The following LRRFIP2 variants were observed in gnomAD, a reference collection of about 807,000 sequenced individuals.
The protein encoded by LRRFIP2 is LRR binding FLII interacting protein 2, also known as leucine-rich repeat flightless-interacting protein 2.
LRRFIP2 carries 109 observed loss-of-function variants against 125.9 expected under a neutral mutation model. That is an observed-to-expected ratio of 0.87 (90% CI 0.74 to 1.01). The LOEUF is 1.01. Among genes scored for constraint, LRRFIP2 ranks in the 50% least tolerant of loss-of-function variants. LRRFIP2 has a pLI of 0.00. For missense variants in LRRFIP2, 850 were observed against 862.3 expected (o/e 0.99, Z 0.18); for synonymous variants, 291 against 293.1 (o/e 0.99, Z 0.07).
At chr3:37,127,522 C>A in intron 4 of LRRFIP2, 108 bp downstream of exon 4, 2 of 1,108,822 alleles carry the variant, frequency 1.8e-6, no homozygotes, top group South Asian at 1.3e-5. Context: ...TTTAGGTTCA[C>A]ACAGGCCAAA....
At position 37,053,823 on chromosome 3, in the gene LRRFIP2, G is replaced by T; in HGVS notation, c.*28C>A. The T allele has an allele frequency of 6.9e-7, 1 of 1,458,654 alleles. No homozygotes were observed. Among genetic ancestry groups the T allele is most frequent in the Non-Finnish European group, 9.6e-7 (1 of 1,038,110 alleles). 90.4% of individuals were successfully genotyped at this position (1,458,654 alleles called of 1,614,324 possible). A position where few individuals can be genotyped will look rare whatever the true frequency, so the allele number is the denominator to read the frequency against. ...GTCCCTCTAGGTAGGGCCCCAAGGA[G>T]CATCACCCAGGTTGAAGGGTGGTTT... On this transcript the variant is annotated 3_prime_UTR_variant, in exon 28 of 28. Coordinates refer to ENST00000336686, the MANE Select transcript of LRRFIP2 (RefSeq NM_006309.4).
chr3:37,146,566 T>C (rs1329767801), intron 2 of LRRFIP2, among the ~76,000 whole-genome samples: 2 of 152,212 alleles, frequency 1.3e-5, no homozygotes, highest in African/African-American at 4.8e-5. Context: ...ACATGCAGTG[T>C]TTGGTTTTCT....
At chr3:37,173,303 T>C (rs1299075899) in intron 1 of LRRFIP2, among the ~76,000 whole-genome samples, 3 of 152,040 alleles carry the variant, frequency 2.0e-5, no homozygotes, top group African/African-American at 7.2e-5. Context: ...GCAGAACTCA[T>C]GTGGTCTTCC....
intron 6 of LRRFIP2, among the ~76,000 whole-genome samples, chr3:37,116,465 G>A (rs554014532): frequency 5.2e-4 from 79 of 152,164 alleles, no homozygotes; most frequent in African/African-American, 1.7e-3. Context: ...AACTAAACTA[G>A]AAGAGAAAAT....
chr3:37,122,730 C>T (rs1181466206), intron 4 of LRRFIP2, among the ~76,000 whole-genome samples: 2 of 151,868 alleles, frequency 1.3e-5, no homozygotes, highest in East Asian at 3.9e-4. Context: ...CAAGTTATCT[C>T]GAATAATGCC....
chr3:37,082,525 C>T (rs1308332851), intron 19 of LRRFIP2, among the ~76,000 whole-genome samples: 2 of 152,222 alleles, frequency 1.3e-5, no homozygotes, highest in Middle Eastern at 3.4e-3. Flanking sequence ...TGACAGATCA[C>T]TATCACCCAA....
chr3:37,128,604 T>C (rs1261110187), intron 3 of LRRFIP2, among the ~76,000 whole-genome samples: 2 of 152,158 alleles, frequency 1.3e-5, no homozygotes, highest in South Asian at 4.1e-4. Context: ...TAATATAAAA[T>C]TGGGGTCCTA....
intron 27 of LRRFIP2, among the ~76,000 whole-genome samples, chr3:37,054,205 A>G (rs2086151643): frequency 6.6e-6 from 1 of 152,230 alleles, no homozygotes; most frequent in East Asian, 1.9e-4. Flanking sequence ...GCAAAAATAC[A>G]AACTATCTTT....
At chr3:37,108,171 C>T (rs530919002) in intron 12 of LRRFIP2, 42 bp from the exon 13 acceptor site, 67 of 1,462,042 alleles carry the variant, frequency 4.6e-5, no homozygotes, top group Non-Finnish European at 6.0e-5. Flanking sequence ...ACAATGATCA[C>T]CTCATTATTC....
chr3:37,117,567 C>T (rs929696802), intron 6 of LRRFIP2, among the ~76,000 whole-genome samples: 1 of 151,196 alleles, frequency 6.6e-6, no homozygotes, highest in African/African-American at 2.4e-5. Context: ...GATGCTATAA[C>T]CATAGAGAAA....
chr3:37,145,068 C>T (rs78391826), intron 2 of LRRFIP2, among the ~76,000 whole-genome samples: 2,375 of 152,236 alleles, frequency 0.016, 68 homozygotes, highest in African/African-American at 0.051. Flanking sequence ...ACAAAAATTA[C>T]TGCTCTATTT....
intron 1 of LRRFIP2, chr3:37,154,776 T>C (rs1293708489): frequency 1.3e-5 from 2 of 152,242 alleles, no homozygotes; most frequent in African/African-American, 4.8e-5. Flanking sequence ...AATCATGATA[T>C]TGTCCACTTT....
chr3:37,160,965 GA>G, intron 1 of LRRFIP2, among the ~76,000 whole-genome samples: 1 of 152,156 alleles, frequency 6.6e-6, no homozygotes, highest in East Asian at 1.9e-4. Context: ...AGCCAAAAGT[GA>G]AAACAATTCC....
chr3:37,069,247 C>T (rs1375788248), intron 21 of LRRFIP2, among the ~76,000 whole-genome samples: 2 of 152,086 alleles, frequency 1.3e-5, no homozygotes, highest in East Asian at 1.9e-4. Flanking sequence ...GGGTACATAC[C>T]GAAAACAACT....
intron 23 of LRRFIP2, 128 bp downstream of exon 23, chr3:37,065,682 C>G: frequency 8.6e-7 from 1 of 1,162,038 alleles, no homozygotes; most frequent in South Asian, 1.2e-5. Context: ...TGCCCAGATT[C>G]TTCTAGTTAA....
chr3:37,126,013 T>G (rs9311153), intron 4 of LRRFIP2, among the ~76,000 whole-genome samples: 3,808 of 151,382 alleles, frequency 0.025, 135 homozygotes, highest in African/African-American at 0.076. Context: ...AATCAGTTTT[T>G]TTGTTGTTGT....
intron 11 of LRRFIP2, among the ~76,000 whole-genome samples, chr3:37,109,193 C>T (rs998900236): frequency 6.6e-6 from 1 of 152,110 alleles, no homozygotes; most frequent in Non-Finnish European, 1.5e-5. Context: ...AGGCCAAGAT[C>T]ATAACTGTCC....
chr3:37,083,654 T>G lies in LRRFIP2; in HGVS notation c.1260A>C (p.Glu420Asp). The G allele has an allele frequency of 6.4e-7, 1 of 1,558,330 alleles. No homozygotes were observed. The highest frequency in any genetic ancestry group is 2.4e-5 in the East Asian group (1 of 41,414). ...GCATTACCTTTGATTTTTCTTCATT[T>G]TCTCTATAAAATTCTGCCATCTGTT... ...QEEQMAEFYRENEEKSKELER... is the reference protein window; with the variant it reads ...QEEQMAEFYRDNEEKSKELER... Residue 420 changes from glutamate to aspartate, a missense_variant, in exon 19 of 28, where the codon GAA becomes GAC. Coordinates refer to ENST00000336686, the MANE Select transcript of LRRFIP2 (RefSeq NM_006309.4).
chr3:37,135,188 C>A, intron 2 of LRRFIP2: 2 of 885,462 alleles, frequency 2.3e-6, no homozygotes, highest in Non-Finnish European at 1.8e-6. Context: ...AGGCTGGGCA[C>A]GTTGGCTCAC....
Sources: gnomAD v4.1 joint callset for allele counts (sites outside exome capture counted in the v4.1 genomes callset) on GRCh38, gnomAD v4.1.1 for gene constraint, MANE v1.5 for transcripts, NCBI Gene and HGNC (gene_info 2026-07-23, HGNC 2026-07-21) for gene names.